Variants in TSGA10 observed in about 807,000 individuals in gnomAD.
TSGA10 encodes testis specific 10, also known as testis-specific gene 10 protein.
A neutral mutation model predicts 96.6 loss-of-function variants in TSGA10; 43 were observed. That is an observed-to-expected ratio of 0.44 (90% CI 0.35 to 0.57). The LOEUF (loss-of-function observed/expected upper bound fraction) is 0.57, where lower values mean the gene tolerates loss of function less well. Among genes scored for constraint, TSGA10 ranks in the 20% least tolerant of loss-of-function variants. The probability of loss-of-function intolerance (pLI) is 0.01; values close to 1 mark genes in which losing one functional copy is unlikely to be tolerated. For synonymous variants in TSGA10, 229 were observed against 269.9 expected (o/e 0.85, Z 1.48); for missense variants, 703 against 834.4 (o/e 0.84, Z 1.94).
intron 1 of TSGA10, among the ~76,000 whole-genome samples, chr2:99,134,301 T>C (rs1165513018): frequency 6.6e-6 from 1 of 152,140 alleles, no homozygotes; most frequent in Admixed American, 6.6e-5. Flanking sequence ...TTTTCTCTAA[T>C]CTTGTCTTCA....
At chr2:99,132,866 T>C (rs1028805184) in intron 1 of TSGA10, among the ~76,000 whole-genome samples, 3 of 151,982 alleles carry the variant, frequency 2.0e-5, no homozygotes, top group Non-Finnish European at 4.4e-5. Context: ...TATGTACCCA[T>C]TATCATTCAG....
intron 10 of TSGA10, among the ~76,000 whole-genome samples, chr2:99,103,401 C>T (rs2090992348): frequency 6.6e-6 from 1 of 152,170 alleles, no homozygotes; most frequent in Non-Finnish European, 1.5e-5. Flanking sequence ...TAGAGGTCTT[C>T]AAAAACTCAT....
At chr2:99,071,980 A>C (rs1208936901) in intron 13 of TSGA10, 106 bp from the exon 14 acceptor site, 1 of 1,019,808 alleles carries the variant, frequency 9.8e-7, no homozygotes, top group Non-Finnish European at 1.4e-6. Context: ...ACATTTGAAG[A>C]GATTTTAAAC....
intron 18 of TSGA10, 31 bp downstream of exon 18, chr2:99,020,249 T>C: frequency 6.3e-7 from 1 of 1,580,570 alleles, no homozygotes; most frequent in Non-Finnish European, 8.7e-7. Flanking sequence ...TTAAGATGTA[T>C]GACTTTACTT....
chr2:99,076,448 A>G (rs1222512086), intron 12 of TSGA10, among the ~76,000 whole-genome samples: 1 of 152,112 alleles, frequency 6.6e-6, no homozygotes, highest in Non-Finnish European at 1.5e-5. Context: ...GTGACCCTCT[A>G]TATCCATGAT....
chr2:99,083,027 T>C (rs1340285962), intron 10 of TSGA10, among the ~76,000 whole-genome samples: 1 of 151,880 alleles, frequency 6.6e-6, no homozygotes, highest in East Asian at 1.9e-4. Flanking sequence ...GGTCCTATAT[T>C]AGAGCACAAA....
chr2:99,109,252 C>A, intron 6 of TSGA10, 137 bp downstream of exon 6: 1 of 927,808 alleles, frequency 1.1e-6, no homozygotes. Context: ...ATCAAAGAGA[C>A]CTCTGTCTCT....
At chr2:99,034,416 A>G (rs900970376) in intron 17 of TSGA10, among the ~76,000 whole-genome samples, 3 of 152,132 alleles carry the variant, frequency 2.0e-5, no homozygotes, top group African/African-American at 7.2e-5. Flanking sequence ...TAAAAAAAAT[A>G]AAGGTTCAAT....
chr2:99,114,324 CTGGAGTTCAT>C (rs1179521110), intron 4 of TSGA10, among the ~76,000 whole-genome samples: 1 of 152,198 alleles, frequency 6.6e-6, no homozygotes, highest in East Asian at 1.9e-4. Context: ...ACAACACACA[CTGGAGTTCAT>C]ATCCCCAGTG....
At chr2:99,125,403 T>C (rs959532118) in intron 2 of TSGA10, 5 of 152,244 alleles carry the variant, frequency 3.3e-5, no homozygotes, top group African/African-American at 1.2e-4. Flanking sequence ...TTGGTTCTTC[T>C]TTACATCTCT....
In TSGA10 at chr2:99,118,628, T is replaced by C; in HGVS notation, c.-433A>G. 1.0e-6 allele frequency: 1 copy of C among 984,706 alleles called. No homozygotes were observed. Among genetic ancestry groups the C allele is most frequent in the Non-Finnish European group, 1.2e-6 (1 of 829,646 alleles). The allele number at this position is 984,706 out of a possible 1,614,324, so 61.0% of individuals were successfully genotyped here. A position where few individuals can be genotyped will look rare whatever the true frequency, so the allele number is the denominator to read the frequency against. On this transcript the variant is annotated 5_prime_UTR_variant, in exon 3 of 21. It adds an upstream start codon to the 5' untranslated region. Coordinates refer to ENST00000393483, the MANE Select transcript of TSGA10 (RefSeq NM_025244.4). ...AACACAGCTTTCCTTCCCAGCCCACTATCAAACCATCAATGGATGAAGAAA... is the reference window on the plus strand; with the variant it reads ...AACACAGCTTTCCTTCCCAGCCCACCATCAAACCATCAATGGATGAAGAAA...
intron 16 of TSGA10, among the ~76,000 whole-genome samples, chr2:99,037,263 A>T (rs1465273262): frequency 6.6e-6 from 1 of 152,206 alleles, no homozygotes; most frequent in Non-Finnish European, 1.5e-5. Flanking sequence ...ACATCTAAAC[A>T]AACTTAAAAG....
At chr2:99,094,034 G>A (rs2089695664) in intron 10 of TSGA10, among the ~76,000 whole-genome samples, 1 of 152,092 alleles carries the variant, frequency 6.6e-6, no homozygotes, top group Admixed American at 6.6e-5. Context: ...AAAAAAGCAT[G>A]GTACTGATAT....
rs1383608901 is a variant in TSGA10 at position 99,151,068 on chromosome 2, T to C, written c.-621+3625A>G. 1.4e-5 allele frequency: 5 copies of C among 353,792 alleles called. No individual in the cohort carries two copies. In the South Asian group the frequency reaches 3.0e-4, roughly 21 times the overall value. The allele number at this position is 353,792 out of a possible 1,614,324, so 21.9% of individuals were successfully genotyped here. A position where few individuals can be genotyped will look rare whatever the true frequency, so the allele number is the denominator to read the frequency against. On this transcript the variant is annotated intron_variant, in intron 1 of 20. Transcript: ENST00000393483. ...TTCAAAGCAGATTTCTCTGGTATTA[T>C]ATTATATCCTTCTTAAAAACCAGAG...
intron 2 of TSGA10, among the ~76,000 whole-genome samples, chr2:99,119,393 A>G (rs1415429701): frequency 1.3e-5 from 2 of 152,188 alleles, no homozygotes; most frequent in African/African-American, 4.8e-5. Context: ...GCCTCATGAC[A>G]CTGAGAATGA....
intron 20 of TSGA10, among the ~76,000 whole-genome samples, chr2:99,003,308 T>C (rs1054681024): frequency 1.3e-5 from 2 of 152,220 alleles, no homozygotes; most frequent in Middle Eastern, 3.4e-3. Context: ...AGCAAGTCCT[T>C]AGAGATGTAC....
At chr2:99,087,707 A>AT (rs1282608556) in intron 10 of TSGA10, among the ~76,000 whole-genome samples, 2 of 152,168 alleles carry the variant, frequency 1.3e-5, no homozygotes, top group African/African-American at 4.8e-5. Context: ...AAATACTAAA[A>AT]TTTTTTGTTC....
chr2:98,998,822 G>C lies in TSGA10; in HGVS notation c.2073-601C>G, dbSNP rs1371871762. ...TGTAAGATACTCCATTATAGAAGCT[G>C]GGGTAAGGATATGTGGGACTGTCTG... On this transcript the variant is annotated intron_variant, in intron 20 of 20. Coordinates refer to ENST00000393483, the MANE Select transcript of TSGA10 (RefSeq NM_025244.4). 2.0e-5 allele frequency among the ~76,000 whole-genome samples: 3 copies of C among 152,274 alleles called. No individual in the cohort carries two copies. The East Asian group carries it at 5.8e-4, about 29-fold the overall frequency.
At chr2:99,084,933 T>C (rs2088058853) in intron 10 of TSGA10, among the ~76,000 whole-genome samples, 1 of 151,562 alleles carries the variant, frequency 6.6e-6, no homozygotes, top group South Asian at 2.1e-4. Context: ...GATTACAAAA[T>C]CAAGCAGAAG....
Sources: gnomAD v4.1 joint callset for allele counts (sites outside exome capture counted in the v4.1 genomes callset) on GRCh38, gnomAD v4.1.1 for gene constraint, MANE v1.5 for transcripts, NCBI Gene and HGNC (gene_info 2026-07-23, HGNC 2026-07-21) for gene names.